ZC3H12A: variants seen among roughly 807,000 people sequenced by gnomAD.
ZC3H12A encodes the protein zinc finger CCCH-type containing 12A.
In ZC3H12A, 9 loss-of-function variants were observed where a neutral mutation model predicts 29.9. That is an observed-to-expected ratio of 0.30 (90% confidence interval 0.18 to 0.53). The LOEUF is 0.53. ZC3H12A is among the 20% of genes least tolerant of loss of function. The pLI, the probability that ZC3H12A is intolerant of heterozygous loss-of-function variation, is 0.96. For synonymous variants in ZC3H12A, 323 were observed against 338.1 expected, an observed-to-expected ratio of 0.96 and a Z score of 0.49; for missense variants, 617 against 799.0, an observed-to-expected ratio of 0.77 and a Z score of 2.75.
Position 37,483,408 on chromosome 1 carries a change from G to C in ZC3H12A, c.1597G>C (p.Val533Leu), listed in dbSNP as rs752770708. The C allele has an allele frequency of 2.5e-6, 4 of 1,613,930 alleles. No homozygotes were observed. In the South Asian group the frequency reaches 4.4e-5, roughly 18 times the overall value. Residue 533 changes from valine (V) to leucine (L), a missense_variant, in exon 6 of 6, where the codon GTG becomes CTG. Around this residue, in one of 5 missense-constraint regions of ZC3H12A, gnomAD observed 172 missense variants for 203.1 expected, o/e 0.85. Coordinates refer to ENST00000373087, the MANE Select transcript of ZC3H12A (RefSeq NM_025079.3). The stretch of plus-strand genomic sequence containing the variant: ...CACATCAGTCCTTCAGGAGCCCCCA[G>C]TGCAGAGCCCAGGGGCTGGCAGGAG... The part of the protein sequence containing the change: ...PPTSVLQEPP[V>L]QSPGAGRSPW...
chr1:37,482,675 C>G lies in ZC3H12A; in HGVS notation c.926-62C>G, dbSNP rs750501108. On this transcript the variant is annotated intron_variant, in intron 5 of 5. Coordinates refer to ENST00000373087, the MANE Select transcript of ZC3H12A (RefSeq NM_025079.3). ...ACCCCGTTTCCTGTGCCACCCCTTC[C>G]CTGCTCTCATCCCTGGTTCTGAAGT... is the stretch of plus-strand genomic sequence containing the variant. 3.7e-6 allele frequency: 6 copies of G among 1,611,798 alleles called. No individual in the cohort carries two copies. In the African/African-American group the frequency reaches 8.0e-5, roughly 22 times the overall value.
rs1248386563 is a variant in ZC3H12A at position 37,482,759 on chromosome 1, C to T, written c.948C>T (p.Ile316=). The T allele has an allele frequency of 1.2e-6, 2 of 1,614,094 alleles. No homozygotes were observed. The highest frequency in any genetic ancestry group is 2.2e-5 in the East Asian group (1 of 44,880). The part of the protein sequence containing the change: ...CPYGRKCTYG[I]KCRFFHPERP... ...CAGGAAGGAAATGCACCTATGGGAT[C>T]AAGTGCCGATTCTTCCACCCAGAGC... Residue 316 remains isoleucine, a synonymous_variant, in exon 6 of 6, where the codon ATC becomes ATT. Transcript: ENST00000373087.
Position 37,481,752 on chromosome 1 carries a change from A to C in ZC3H12A, c.735A>C (p.Thr245=), listed in dbSNP as rs1641711551. 1.2e-6 allele frequency: 2 copies of C among 1,614,244 alleles called. No individual in the cohort carries two copies. Among genetic ancestry groups the C allele is most frequent in the Non-Finnish European group, 8.5e-7 (1 of 1,180,040 alleles). The change falls in exon 4 of 6, where the codon ACA becomes ACC. Residue 245 remains threonine (T), a synonymous_variant. Transcript: ENST00000373087. ...ESDGIVVSND[T]YRDLQGERQE... ...ACGGGATCGTGGTTTCCAACGACAC[A>C]TACCGTGACCTCCAAGGCGAGCGGC...
Position 37,483,311 on chromosome 1 carries a change from C to T in ZC3H12A, c.1500C>T (p.Ala500=), listed in dbSNP as rs41267299. 0.07 allele frequency: 113,224 copies of T among 1,614,058 alleles called. 4,416 individuals carry two copies. Among genetic ancestry groups the T allele is most frequent in the Middle Eastern group, 0.11 (696 of 6,062 alleles). The change falls in exon 6 of 6, where the codon GCC becomes GCT. Residue 500 remains alanine (A), a synonymous_variant. Coordinates refer to ENST00000373087, the MANE Select transcript of ZC3H12A (RefSeq NM_025079.3). ...AMGAGHFSVP[A]DYPPAPPAFP... The stretch of plus-strand genomic sequence containing the variant: ...GTGCTGGCCACTTCAGTGTCCCTGC[C>T]GACTACCCACCCGCGCCCCCTGCCT...
Position 37,483,821 on chromosome 1 carries a change from G to A in ZC3H12A, c.*210G>A, listed in dbSNP as rs1641769785. 2 of 622,842 alleles carry A rather than the reference G, an allele frequency of 3.2e-6. No individual in the cohort carries two copies. The highest frequency in any genetic ancestry group is 6.0e-5 in the Admixed American group (2 of 33,382). 38.6% of individuals were successfully genotyped at this position (622,842 alleles called of 1,614,324 possible). The stretch of plus-strand genomic sequence containing the variant: ...CACCTCTAGCTGTCTGCCTCAGTGG[G>A]TCAGAAGCGATCACCCTGTTGATAC... On this transcript the variant is annotated 3_prime_UTR_variant, in exon 6 of 6. Coordinates refer to ENST00000373087, the MANE Select transcript of ZC3H12A (RefSeq NM_025079.3).
Position 37,483,026 on chromosome 1 carries a change from C to T in ZC3H12A, c.1215C>T (p.Leu405=), listed in dbSNP as rs1332905349. 8 of 1,607,084 alleles carry T rather than the reference C, an allele frequency of 5.0e-6. No individual in the cohort carries two copies. Among genetic ancestry groups the T allele is most frequent in the Admixed American group, 1.7e-5 (1 of 58,750 alleles). The change falls in exon 6 of 6, where the codon CTC becomes CTT. Residue 405 remains leucine (L), a synonymous_variant. Coordinates refer to ENST00000373087, the MANE Select transcript of ZC3H12A (RefSeq NM_025079.3). ...TQTYAPSGRS[L]APSGGSGSSF... Reference sequence around the variant, plus strand: ...CCTATGCCCCATCAGGCAGGAGCCTCGCACCTAGCGGGGGCAGTGGCAGCA... The same window carrying T: ...CCTATGCCCCATCAGGCAGGAGCCTTGCACCTAGCGGGGGCAGTGGCAGCA...
intron 3 of ZC3H12A, among the ~76,000 whole-genome samples, chr1:37,480,958 G>A (rs1238874668): frequency 6.6e-6 from 1 of 152,226 alleles, no homozygotes; most frequent in Non-Finnish European, 1.5e-5. Flanking sequence ...CTCAGTGTAT[G>A]TTAGCTGTTA....
In ZC3H12A at chr1:37,479,775, G is replaced by A; in HGVS notation, c.444-515G>A. The A allele has an allele frequency of 1.0e-6, 1 of 985,424 alleles. No homozygotes were observed. The highest frequency in any genetic ancestry group is 1.7e-5 in the African/African-American group (1 of 57,352). 61.0% of individuals were successfully genotyped at this position (985,424 alleles called of 1,614,324 possible). A position where few individuals can be genotyped will look rare whatever the true frequency, so the allele number is the denominator to read the frequency against. Reference sequence around the variant, plus strand: ...ATCTGGTTTCTCCTCGGTCAGCCCAGCCGGTGCTTCCCCCGCCCCCACCCA... The same window carrying A: ...ATCTGGTTTCTCCTCGGTCAGCCCAACCGGTGCTTCCCCCGCCCCCACCCA... On this transcript the variant is annotated intron_variant, in intron 2 of 5. Coordinates refer to ENST00000373087, the MANE Select transcript of ZC3H12A (RefSeq NM_025079.3). The surrounding 1 kb of genome is among the most constrained non-coding windows in gnomAD (Gnocchi z 4.5).
At chr1:37,474,783 G>A (rs1423218657) in intron 1 of ZC3H12A, among the ~76,000 whole-genome samples, 154 bp downstream of exon 1, 2 of 151,998 alleles carry the variant, frequency 1.3e-5, no homozygotes, top group African/African-American at 2.4e-5. Flanking sequence ...TCCCCGGCCC[G>A]CCGGGCCTCA....
In ZC3H12A at chr1:37,476,062, A is replaced by G; in HGVS notation, c.443+123A>G. 9.2e-7 allele frequency: 1 copy of G among 1,088,254 alleles called. No homozygotes were observed. The highest frequency in any genetic ancestry group is 1.8e-5 in the South Asian group (1 of 56,712). The allele number at this position is 1,088,254 out of a possible 1,614,324, so 67.4% of individuals were successfully genotyped here. ...GGAAGAAGTGACTTCCTTCTTAGGG[A>G]CTGGTCTAGAGGGAGGGAAAGCCTT... is the stretch of plus-strand genomic sequence containing the variant. On this transcript the variant is annotated intron_variant, in intron 2 of 5. Coordinates refer to ENST00000373087, the MANE Select transcript of ZC3H12A (RefSeq NM_025079.3). This position sits in a 1 kb window ranked among gnomAD's most constrained non-coding sequence, Gnocchi z 6.0.
rs1641595436 is a variant in ZC3H12A at position 37,476,599 on chromosome 1, C to A, written c.443+660C>A. Among the ~76,000 whole-genome samples the A allele has an allele frequency of 6.6e-6, 1 of 152,190 alleles. No individual in the cohort carries two copies. The highest frequency in any genetic ancestry group is 1.5e-5 in the Non-Finnish European group (1 of 68,032). ...CTGAAGCAGCCTGGGCTGGACCAGT[C>A]TCTGGAGGTTCCCCGGGGCCAGAGC... On this transcript the variant is annotated intron_variant, in intron 2 of 5. Transcript: ENST00000373087. The surrounding 1 kb of genome is among the most constrained non-coding windows in gnomAD (Gnocchi z 6.0).
rs760038666 is a variant in ZC3H12A at position 37,475,508 on chromosome 1, C to A, written c.12C>A (p.Pro4=). The A allele has an allele frequency of 6.2e-7, 1 of 1,608,230 alleles. No individual in the cohort carries two copies. Among genetic ancestry groups the A allele is most frequent in the Non-Finnish European group, 8.5e-7 (1 of 1,177,262 alleles). The change falls in exon 2 of 6, where the codon CCC becomes CCA. Residue 4 remains proline, a synonymous_variant. Coordinates refer to ENST00000373087, the MANE Select transcript of ZC3H12A (RefSeq NM_025079.3). This position sits in a 1 kb window ranked among gnomAD's most constrained non-coding sequence, Gnocchi z 5.2. ...CAGGAGTCTGAGCTATGAGTGGCCC[C>A]TGTGGAGAGAAGCCTGTCCTGGAAG... MSG[P]CGEKPVLEAS...
In ZC3H12A at chr1:37,483,335, C is replaced by T. The variant is rs149154302; in HGVS notation, c.1524C>T (p.Ala508=). 1,567 of 1,614,162 alleles carry T rather than the reference C, an allele frequency of 9.7e-4. 19 individuals carry two copies. The African/African-American group carries it at 0.019, about 19-fold the overall frequency. ...CCGACTACCCACCCGCGCCCCCTGC[C>T]TTTCCACCTCGAGAGTACTGGTCTG... ...VPADYPPAPP[A]FPPREYWSEP... Residue 508 remains alanine, a synonymous_variant, in exon 6 of 6, where the codon GCC becomes GCT. Coordinates refer to ENST00000373087, the MANE Select transcript of ZC3H12A (RefSeq NM_025079.3).
chr1:37,483,743 G>A lies in ZC3H12A; in HGVS notation c.*132G>A. On this transcript the variant is annotated 3_prime_UTR_variant, in exon 6 of 6. Transcript: ENST00000373087. The stretch of plus-strand genomic sequence containing the variant: ...CTGGACAGAGGGAGGATTCAAGTCG[G>A]GAAGGAAACCCACAAACCAAAGATA... 1 of 1,246,420 alleles carries A rather than the reference G, an allele frequency of 8.0e-7. No homozygotes were observed. The highest frequency in any genetic ancestry group is 1.1e-6 in the Non-Finnish European group (1 of 924,890). 77.2% of individuals were successfully genotyped at this position (1,246,420 alleles called of 1,614,324 possible). A position where few individuals can be genotyped will look rare whatever the true frequency, so the allele number is the denominator to read the frequency against.
chr1:37,483,129 A>C lies in ZC3H12A; in HGVS notation c.1318A>C (p.Ile440Leu), dbSNP rs772461335. ...CTCCCAGGATTGCCTGGACTCGGGC[A>C]TTGGCTCCCTGGAGAGCCAGATGTC... Reference protein sequence around the residue: ...YVSQDCLDSGIGSLESQMSEL... With the variant: ...YVSQDCLDSGLGSLESQMSEL... The change falls in exon 6 of 6, where the codon ATT (isoleucine) becomes CTT (leucine). Residue 440 changes from isoleucine to leucine, a missense_variant. Physicochemically the swap from Ile to Leu is conservative, Grantham distance 5. Transcript: ENST00000373087. 1.1e-5 allele frequency: 18 copies of C among 1,613,520 alleles called. No homozygotes were observed. In the East Asian group the frequency reaches 4.0e-4, roughly 36 times the overall value.
rs951104525 is a variant in ZC3H12A at position 37,480,398 on chromosome 1, G to A, written c.552G>A (p.Lys184=). 3.1e-6 allele frequency: 5 copies of A among 1,613,872 alleles called. No individual in the cohort carries two copies. In the South Asian group the frequency reaches 4.4e-5, roughly 14 times the overall value. The part of the protein sequence containing the change: ...DITVFVPSWR[K]EQPRPDVPIT... The stretch of plus-strand genomic sequence containing the variant: ...CAGTGTTTGTGCCATCCTGGAGGAA[G>A]GAGCAGCCTCGGCCCGACGTGCCCA... Residue 184 remains lysine (K), a synonymous_variant, in exon 3 of 6, where the codon AAG becomes AAA. Transcript: ENST00000373087.
At chr1:37,477,785 G>A (rs987882947) in intron 2 of ZC3H12A, among the ~76,000 whole-genome samples, 3 of 152,164 alleles carry the variant, frequency 2.0e-5, no homozygotes, top group Admixed American at 6.5e-5. Context: ...TGCCAGCAGC[G>A]CTTCCTCCAG....
Position 37,480,054 on chromosome 1 carries a change from G to A in ZC3H12A, c.444-236G>A, listed in dbSNP as rs375421982. 1.9e-5 allele frequency: 24 copies of A among 1,262,030 alleles called. No homozygotes were observed. The East Asian group carries it at 4.0e-4, about 21-fold the overall frequency. 78.2% of individuals were successfully genotyped at this position (1,262,030 alleles called of 1,614,324 possible). On this transcript the variant is annotated intron_variant, in intron 2 of 5. Coordinates refer to ENST00000373087, the MANE Select transcript of ZC3H12A (RefSeq NM_025079.3). ...AGCGGGGCCTGGCCATCCTGGAGCT[G>A]TGGGAACTGGCACTGGGAATGGAGG... is the stretch of plus-strand genomic sequence containing the variant.
At position 37,475,687 on chromosome 1, in the gene ZC3H12A, A is replaced by G; in HGVS notation, c.191A>G (p.Glu64Gly). 1.2e-6 allele frequency: 2 copies of G among 1,614,140 alleles called. No homozygotes were observed. The highest frequency in any genetic ancestry group is 1.7e-6 in the Non-Finnish European group (2 of 1,180,048). The change falls in exon 2 of 6, where the codon GAG becomes GGG. Residue 64 changes from glutamate to glycine, a missense_variant. Coordinates refer to ENST00000373087, the MANE Select transcript of ZC3H12A (RefSeq NM_025079.3). The surrounding 1 kb of genome is among the most constrained non-coding windows in gnomAD (Gnocchi z 5.2). ...FFRKLGYSST[E>G]IHSVLQKLGV... The stretch of plus-strand genomic sequence containing the variant: ...CGGAAGCTGGGCTATTCATCCACGG[A>G]GATCCACAGCGTCCTGCAGAAGCTG...
Sources: allele counts gnomAD v4.1 joint callset (sites outside exome capture counted in the v4.1 genomes callset), GRCh38; gene constraint gnomAD v4.1.1; regional missense constraint gnomAD v4.1.1; non-coding constraint Gnocchi (gnomAD v3.1); transcripts MANE v1.5; gene names NCBI Gene and HGNC (gene_info 2026-07-23, HGNC 2026-07-21).